The following CRTAC1 variants were observed in gnomAD, a reference collection of about 807,000 sequenced individuals.
The protein encoded by CRTAC1 is cartilage acidic protein 1, also known as acidic secreted protein in cartilage.
A neutral mutation model predicts 67.8 loss-of-function variants in CRTAC1; 37 were observed. The observed-to-expected ratio is 0.55, with a 90% CI of 0.42 to 0.72. The LOEUF is 0.72. CRTAC1 is among the 30% of genes least tolerant of loss of function. The probability of loss-of-function intolerance (pLI) is 0.00; values close to 1 mark genes in which losing one functional copy is unlikely to be tolerated. For synonymous variants in CRTAC1, 348 were observed against 371.0 expected, an observed-to-expected ratio of 0.94 and a Z score of 0.71; for missense variants, 780 against 931.6, an observed-to-expected ratio of 0.84 and a Z score of 2.12.
chr10:97,994,298 C>G (rs1318226024), intron 2 of CRTAC1, among the ~76,000 whole-genome samples: 1 of 152,162 alleles, frequency 6.6e-6, no homozygotes, highest in African/African-American at 2.4e-5. Flanking sequence ...TTTATATATT[C>G]TTAAGAATCT....
intron 3 of CRTAC1, among the ~76,000 whole-genome samples, chr10:97,924,266 C>A (rs1440137693): frequency 6.6e-6 from 1 of 152,170 alleles, no homozygotes; most frequent in East Asian, 1.9e-4. Context: ...CCGCCATCAT[C>A]CTTAGTTAAT....
intron 8 of CRTAC1, among the ~76,000 whole-genome samples, chr10:97,899,886 G>C (rs2050509742): frequency 6.6e-6 from 1 of 152,114 alleles, no homozygotes; most frequent in Admixed American, 6.5e-5. Flanking sequence ...CCAGGAACAG[G>C]GACATCTCAG....
chr10:97,918,450 CCA>C (rs1466500561), intron 4 of CRTAC1, among the ~76,000 whole-genome samples: 1 of 152,176 alleles, frequency 6.6e-6, no homozygotes. Context: ...CCCAAGAGAT[CCA>C]CACACTTTCT....
intron 2 of CRTAC1, among the ~76,000 whole-genome samples, chr10:97,962,834 C>T (rs557215464): frequency 6.0e-5 from 9 of 151,096 alleles, no homozygotes; most frequent in South Asian, 2.1e-4. Context: ...ATGGTACCCG[C>T]GCATCTCGGT....
At position 97,865,582 on chromosome 10, in the gene CRTAC1, G is replaced by A. The variant is rs1048452043; in HGVS notation, c.1952C>T (p.Ser651Leu). 9 of 1,612,556 alleles carry A rather than the reference G, an allele frequency of 5.6e-6. No homozygotes were observed. Among genetic ancestry groups the A allele is most frequent in the Non-Finnish European group, 7.6e-6 (9 of 1,178,890 alleles). Residue 651 changes from serine (S) to leucine (L), a missense_variant, in exon 15 of 15, where the codon TCG (serine) becomes TTG (leucine). By Grantham distance (145) the Ser-to-Leu change is moderately radical. Transcript: ENST00000370597. ...VLVDGDLNLGSVVKESCEPSC is the reference protein window; with the variant it reads ...VLVDGDLNLGLVVKESCEPSC Reference sequence around the variant, plus strand: ...GGGCTCGCAGCTCTCCTTAACCACCGACCCCAGATTGAGATCTCCATCTAC... The same window carrying A: ...GGGCTCGCAGCTCTCCTTAACCACCAACCCCAGATTGAGATCTCCATCTAC...
chr10:97,869,615 C>A (rs2136526322), intron 14 of CRTAC1: 1 of 152,402 alleles, frequency 6.6e-6, no homozygotes, highest in East Asian at 1.9e-4. Context: ...TTTACAGAAG[C>A]TCGAGGTGCC....
At chr10:98,019,890 C>T (rs1028497234) in intron 1 of CRTAC1, among the ~76,000 whole-genome samples, 1 of 152,188 alleles carries the variant, frequency 6.6e-6, no homozygotes, top group Admixed American at 6.5e-5. Flanking sequence ...TCTTAGTTGG[C>T]CCTGAATCTG....
chr10:97,999,478 C>T (rs1327064864), intron 2 of CRTAC1, among the ~76,000 whole-genome samples: 2 of 152,254 alleles, frequency 1.3e-5, no homozygotes, highest in African/African-American at 4.8e-5. Flanking sequence ...TCTTCCCCCT[C>T]TGGACTTTGG....
At chr10:98,002,092 CGCGGGACTAA>C (rs979149964) in intron 2 of CRTAC1, among the ~76,000 whole-genome samples, 1 of 152,086 alleles carries the variant, frequency 6.6e-6, no homozygotes, top group Non-Finnish European at 1.5e-5. Flanking sequence ...CAGTAGGGCC[CGCGGGACTAA>C]GAAGGTCCTT....
chr10:97,925,019 T>C (rs2050892455), intron 3 of CRTAC1, among the ~76,000 whole-genome samples: 1 of 151,856 alleles, frequency 6.6e-6, no homozygotes, highest in Non-Finnish European at 1.5e-5. Flanking sequence ...GTAATCCCAG[T>C]ACTGTGGGAG....
intron 11 of CRTAC1, among the ~76,000 whole-genome samples, chr10:97,892,870 G>T (rs537952262): frequency 8.5e-5 from 13 of 152,174 alleles, no homozygotes; most frequent in Admixed American, 2.6e-4. Context: ...ATATAACCAG[G>T]CTCTGGGTCC....
chr10:98,009,669 C>T (rs1477813790), intron 2 of CRTAC1, among the ~76,000 whole-genome samples: 5 of 152,216 alleles, frequency 3.3e-5, no homozygotes, highest in Admixed American at 2.6e-4. Flanking sequence ...TTACATGCAA[C>T]TGCTGCAAAT....
chr10:97,980,521 A>G lies in CRTAC1; in HGVS notation c.224+30617T>C, dbSNP rs116100388. ...TGAGGAAGTCCTGGGATCCACTTCC[A>G]CAAAACGTTACACTTGGGTGCTTGG... On this transcript the variant is annotated intron_variant, in intron 2 of 14. Coordinates refer to ENST00000370597, the MANE Select transcript of CRTAC1 (RefSeq NM_018058.7). 3.0e-3 allele frequency among the ~76,000 whole-genome samples: 452 copies of G among 152,352 alleles called. 4 individuals carry two copies. The highest frequency in any genetic ancestry group is 9.9e-3 in the African/African-American group (411 of 41,590).
At chr10:97,901,381 G>T in intron 8 of CRTAC1, 122 bp downstream of exon 8, 1 of 1,163,456 alleles carries the variant, frequency 8.6e-7, no homozygotes, top group Non-Finnish European at 1.2e-6. Context: ...GACCTGTGTT[G>T]ACCTTGGCCT....
chr10:97,915,777 T>C (rs189611370), intron 5 of CRTAC1, among the ~76,000 whole-genome samples: 1 of 152,298 alleles, frequency 6.6e-6, no homozygotes, highest in East Asian at 1.9e-4. Context: ...AGTAACATGG[T>C]GGGCCAAATA....
At chr10:97,951,521 G>A (rs1350951766) in intron 2 of CRTAC1, among the ~76,000 whole-genome samples, 1 of 152,166 alleles carries the variant, frequency 6.6e-6, no homozygotes, top group African/African-American at 2.4e-5. Flanking sequence ...ATCAGAATCT[G>A]GATGTTGGAG....
At chr10:97,930,492 G>T (rs2050987791) in intron 3 of CRTAC1, among the ~76,000 whole-genome samples, 1 of 152,232 alleles carries the variant, frequency 6.6e-6, no homozygotes, top group Non-Finnish European at 1.5e-5. Context: ...GGTTCAGGAA[G>T]CTCCTGGAGA....
At chr10:97,957,034 T>A (rs2051451914) in intron 2 of CRTAC1, among the ~76,000 whole-genome samples, 1 of 151,922 alleles carries the variant, frequency 6.6e-6, no homozygotes, top group Non-Finnish European at 1.5e-5. Context: ...CAGGCTGGCC[T>A]TGAGCTCCTG....
chr10:97,925,747 G>C (rs1233301869), intron 3 of CRTAC1, among the ~76,000 whole-genome samples: 1 of 151,808 alleles, frequency 6.6e-6, no homozygotes, highest in Admixed American at 6.6e-5. Flanking sequence ...ATGAGTGTGG[G>C]CATGACTGAG....
Sources: allele counts gnomAD v4.1 joint callset (sites outside exome capture counted in the v4.1 genomes callset), GRCh38; gene constraint gnomAD v4.1.1; transcripts MANE v1.5; gene names NCBI Gene and HGNC (gene_info 2026-07-23, HGNC 2026-07-21).